Variants in RPS6KC1 observed in about 807,000 individuals in gnomAD.
The protein encoded by RPS6KC1 is ribosomal protein S6 kinase C1, also known as inactive ribosomal protein S6 kinase delta-1.
In RPS6KC1, 54 loss-of-function variants were observed where a neutral mutation model predicts 103.8. That is an observed-to-expected ratio of 0.52 (90% CI 0.42 to 0.65). RPS6KC1 has a LOEUF of 0.65. RPS6KC1 is among the 30% of genes least tolerant of loss of function. The pLI, the probability that RPS6KC1 is intolerant of heterozygous loss-of-function variation, is 0.00. For synonymous variants in RPS6KC1, 439 were observed against 438.7 expected (o/e 1.00, Z -0.01); for missense variants, 1,151 against 1,253.8 (o/e 0.92, Z 1.24).
At chr1:213,287,882 T>G in the RPS6KC1 span, among the ~76,000 whole-genome samples, 1 of 152,184 alleles carries the variant, frequency 6.6e-6, no homozygotes, top group Non-Finnish European at 1.5e-5. Context: ...TTGACCATAA[T>G]TAATTAGATT....
the RPS6KC1 span, among the ~76,000 whole-genome samples, chr1:213,336,235 A>G: frequency 2.6e-5 from 4 of 152,340 alleles, no homozygotes; most frequent in East Asian, 5.8e-4. Context: ...ATCAAGTTCA[A>G]ACTTCTAATT....
chr1:213,485,345 A>G, the RPS6KC1 span, among the ~76,000 whole-genome samples: 1 of 152,118 alleles, frequency 6.6e-6, no homozygotes, highest in African/African-American at 2.4e-5. Context: ...TTTGGGGAAC[A>G]GTAATTCTGT....
At chr1:213,437,455 G>GT in the RPS6KC1 span, among the ~76,000 whole-genome samples, 5 of 151,842 alleles carry the variant, frequency 3.3e-5, no homozygotes, top group African/African-American at 9.7e-5. Flanking sequence ...ATAACCGCTT[G>GT]TTTTTTTACT....
the RPS6KC1 span, among the ~76,000 whole-genome samples, chr1:213,420,177 G>C: frequency 6.6e-6 from 1 of 152,184 alleles, no homozygotes; most frequent in Admixed American, 6.5e-5. Context: ...TGGCTTCCCA[G>C]GTCCCTTGGC....
chr1:213,354,967 C>T, the RPS6KC1 span, among the ~76,000 whole-genome samples: 1 of 152,164 alleles, frequency 6.6e-6, no homozygotes, highest in Non-Finnish European at 1.5e-5. Flanking sequence ...CCTGTAATCC[C>T]AGCACTTTGG....
At chr1:213,405,812 G>A in the RPS6KC1 span, among the ~76,000 whole-genome samples, 1 of 152,298 alleles carries the variant, frequency 6.6e-6, no homozygotes, top group African/African-American at 2.4e-5. Context: ...CAGACAGAAT[G>A]ACAGACACAT....
chr1:213,358,501 G>T, the RPS6KC1 span, among the ~76,000 whole-genome samples: 2 of 152,000 alleles, frequency 1.3e-5, no homozygotes, highest in Non-Finnish European at 2.9e-5. Context: ...ATTTTTTATT[G>T]CATCTATTTG....
chr1:213,428,261 C>T, the RPS6KC1 span, among the ~76,000 whole-genome samples: 1 of 152,212 alleles, frequency 6.6e-6, no homozygotes, highest in Admixed American at 6.5e-5. Context: ...AAATGTGAAT[C>T]ATCTGTTTAG....
chr1:213,241,871 T>A lies in RPS6KC1; in HGVS notation c.2395T>A (p.Phe799Ile), dbSNP rs764069777. The part of the protein sequence containing the change: ...MSLLPSSDPK[F>I]QGLGVVESAV... The stretch of plus-strand genomic sequence containing the variant: ...TTTGTTACCCAGCTCAGATCCTAAG[T>A]TTCAAGGACTTGGAGTGGTTGAGTC... Residue 799 changes from phenylalanine to isoleucine, a missense_variant, in exon 11 of 15, where the codon TTT becomes ATT. Phe to Ile is a conservative substitution (Grantham distance 21, BLOSUM62 0). Coordinates refer to ENST00000366960, the MANE Select transcript of RPS6KC1 (RefSeq NM_012424.6). The A allele has an allele frequency of 1.2e-6, 2 of 1,613,998 alleles. No homozygotes were observed. The highest frequency in any genetic ancestry group is 1.1e-5 in the South Asian group (1 of 91,082).
the RPS6KC1 span, among the ~76,000 whole-genome samples, chr1:213,307,331 G>A: frequency 1.3e-5 from 2 of 151,962 alleles, no homozygotes; most frequent in Non-Finnish European, 2.9e-5. Context: ...GATTACAAGC[G>A]TGAGTCGCCG....
At chr1:213,661,243 G>A in the RPS6KC1 span, among the ~76,000 whole-genome samples, 12 of 152,140 alleles carry the variant, frequency 7.9e-5, no homozygotes, top group African/African-American at 2.4e-4. Context: ...TTACTGCTAC[G>A]TGAACTGGGT....
intron 8 of RPS6KC1, among the ~76,000 whole-genome samples, chr1:213,229,499 A>G (rs898431324): frequency 2.6e-5 from 4 of 152,160 alleles, no homozygotes; most frequent in African/African-American, 7.2e-5. Flanking sequence ...CTTTTGTTCT[A>G]TAATGACAAA....
chr1:213,465,957 C>T, the RPS6KC1 span, among the ~76,000 whole-genome samples: 1 of 152,062 alleles, frequency 6.6e-6, no homozygotes. Flanking sequence ...TGCTCTTCTT[C>T]TTAGAGAAAA....
At chr1:213,592,085 C>T in the RPS6KC1 span, among the ~76,000 whole-genome samples, 1 of 152,108 alleles carries the variant, frequency 6.6e-6, no homozygotes, top group Non-Finnish European at 1.5e-5. Context: ...GGAAGCTGGG[C>T]AGTACTGCAC....
chr1:213,406,269 C>G, the RPS6KC1 span, among the ~76,000 whole-genome samples: 1 of 152,178 alleles, frequency 6.6e-6, no homozygotes, highest in East Asian at 1.9e-4. Context: ...GGGCATGGGC[C>G]TAAAAGCTGG....
chr1:213,301,324 C>G, the RPS6KC1 span, among the ~76,000 whole-genome samples: 2 of 152,096 alleles, frequency 1.3e-5, no homozygotes, highest in African/African-American at 4.8e-5. Context: ...TTGAGGTCAA[C>G]AATTGTGTTG....
the RPS6KC1 span, among the ~76,000 whole-genome samples, chr1:213,466,426 TAG>T: frequency 6.6e-6 from 1 of 152,110 alleles, no homozygotes. Context: ...GATCATGATC[TAG>T]AGAGAGTGCT....
At chr1:213,688,213 C>G in the RPS6KC1 span, among the ~76,000 whole-genome samples, 82 of 152,308 alleles carry the variant, frequency 5.4e-4, no homozygotes, top group African/African-American at 1.9e-3. Flanking sequence ...TCCTCCGTCT[C>G]GGTCTGAGTC....
the RPS6KC1 span, among the ~76,000 whole-genome samples, chr1:213,785,920 A>G: frequency 3.3e-5 from 5 of 152,182 alleles, no homozygotes; most frequent in Non-Finnish European, 7.4e-5. Context: ...TATTGCTATT[A>G]TGGAGGGAAT....
Sources: allele counts gnomAD v4.1 joint callset (sites outside exome capture counted in the v4.1 genomes callset), GRCh38; gene constraint gnomAD v4.1.1; transcripts MANE v1.5; gene names NCBI Gene and HGNC (gene_info 2026-07-23, HGNC 2026-07-21).